The following COBL variants were observed in gnomAD, a reference collection of about 807,000 sequenced individuals.
COBL encodes cordon-bleu WH2 repeat protein.
In COBL, 51 loss-of-function variants were observed where a neutral mutation model predicts 98.8. The ratio of observed to expected loss-of-function variants is 0.52; its 90% CI spans 0.41 to 0.65. The LOEUF (loss-of-function observed/expected upper bound fraction) is 0.65. Ranked by LOEUF, COBL falls within the 30% of genes least tolerant of loss-of-function variation. The pLI is 0.00. For synonymous variants in COBL, 634 were observed against 651.7 expected (o/e 0.97, Z 0.41); for missense variants, 1,617 against 1,617.5 (o/e 1.00, Z 0.01).
intron 1 of COBL, among the ~76,000 whole-genome samples, chr7:51,229,353 G>A (rs1794512476): frequency 6.6e-6 from 1 of 152,218 alleles, no homozygotes; most frequent in African/African-American, 2.4e-5. Context: ...AATTGTCTTG[G>A]TTCACTTGTT....
intron 1 of COBL, among the ~76,000 whole-genome samples, chr7:51,310,606 G>A (rs890355627): frequency 2.0e-5 from 3 of 152,148 alleles, no homozygotes; most frequent in Non-Finnish European, 2.9e-5. Context: ...AGATGGGATC[G>A]ACCAGCCAGG....
intron 5 of COBL, among the ~76,000 whole-genome samples, chr7:51,160,351 TTTG>T (rs1289214781): frequency 6.6e-6 from 1 of 152,236 alleles, no homozygotes; most frequent in African/African-American, 2.4e-5. Flanking sequence ...CATATTGTTA[TTTG>T]TTGTTGATGA....
chr7:51,305,878 C>CA (rs1011636623), intron 1 of COBL, among the ~76,000 whole-genome samples: 1 of 151,772 alleles, frequency 6.6e-6, no homozygotes, highest in Non-Finnish European at 1.5e-5. Context: ...TACTAAAATA[C>CA]AAAAAAAATT....
intron 6 of COBL, among the ~76,000 whole-genome samples, chr7:51,089,376 G>A (rs1398816062): frequency 1.1e-4 from 16 of 151,940 alleles, no homozygotes; most frequent in African/African-American, 3.4e-4. Flanking sequence ...TTAGCCAGGC[G>A]TGGTGGCGGG....
At chr7:51,087,577 T>C (rs1466885809) in intron 6 of COBL, among the ~76,000 whole-genome samples, 1 of 151,822 alleles carries the variant, frequency 6.6e-6, no homozygotes, top group East Asian at 1.9e-4. Flanking sequence ...CGGGTTCCAG[T>C]GATTCTCCTG....
intron 1 of COBL, among the ~76,000 whole-genome samples, chr7:51,308,547 T>C (rs1004557752): frequency 7.2e-5 from 11 of 152,230 alleles, no homozygotes; most frequent in Non-Finnish European, 2.9e-5. Context: ...ATTTGGTATT[T>C]CTCCTCTTCC....
chr7:51,281,860 T>C (rs1196164146), intron 1 of COBL, among the ~76,000 whole-genome samples: 1 of 152,126 alleles, frequency 6.6e-6, no homozygotes, highest in Non-Finnish European at 1.5e-5. Flanking sequence ...ATGTTAAACA[T>C]CTAGGCCAAT....
At chr7:51,196,986 C>A (rs968160662) in intron 2 of COBL, among the ~76,000 whole-genome samples, 2 of 151,426 alleles carry the variant, frequency 1.3e-5, no homozygotes, top group African/African-American at 4.8e-5. Context: ...CTCCAGGATT[C>A]ACTGATCCTT....
intron 6 of COBL, among the ~76,000 whole-genome samples, chr7:51,114,154 C>T (rs184490749): frequency 5.1e-4 from 78 of 152,296 alleles, no homozygotes; most frequent in African/African-American, 1.7e-3. Flanking sequence ...CACAAGTCTA[C>T]GCTTGCCACA....
chr7:51,148,280 T>C (rs1004884387), intron 5 of COBL, among the ~76,000 whole-genome samples: 2 of 152,082 alleles, frequency 1.3e-5, no homozygotes, highest in African/African-American at 4.8e-5. Flanking sequence ...AGGGGACCCA[T>C]TTCCCCTCAT....
rs185086631 is a variant in COBL at position 51,076,360 on chromosome 7, G to A, written c.1096+8806C>T. Among the ~76,000 whole-genome samples, 351 of 152,238 alleles carry A rather than the reference G, an allele frequency of 2.3e-3. 3 individuals carry two copies. Among genetic ancestry groups the A allele is most frequent in the Non-Finnish European group, 1.6e-3 (112 of 68,026 alleles). ...CCCGTCCTACCTTCTCCAGTTCCAC[G>A]CCCTCTGCTCAAGCAGCACATGGCT... is the stretch of plus-strand genomic sequence containing the variant. On this transcript the variant is annotated intron_variant, in intron 7 of 12. Coordinates refer to ENST00000265136, the MANE Select transcript of COBL (RefSeq NM_015198.5).
At chr7:51,203,748 C>T (rs1291120312) in intron 2 of COBL, among the ~76,000 whole-genome samples, 5 of 151,940 alleles carry the variant, frequency 3.3e-5, no homozygotes, top group African/African-American at 9.7e-5. Flanking sequence ...TCATCACAAA[C>T]GGAAAAGTCC....
intron 1 of COBL, among the ~76,000 whole-genome samples, chr7:51,268,855 AGGAGGT>A (rs1798467790): frequency 6.6e-6 from 1 of 151,110 alleles, no homozygotes; most frequent in South Asian, 2.1e-4. Context: ...GCTCGAACTC[AGGAGGT>A]GGAGGTTGTG....
intron 5 of COBL, among the ~76,000 whole-genome samples, chr7:51,168,314 T>C (rs1787521708): frequency 1.3e-5 from 2 of 152,096 alleles, no homozygotes; most frequent in African/African-American, 4.8e-5. Context: ...TACATGCCTG[T>C]AGTCCCAGCT....
In COBL at chr7:51,191,130, C is replaced by T. The variant is rs775228829; in HGVS notation, c.457-52G>A. 7.3e-6 allele frequency: 11 copies of T among 1,499,756 alleles called. No individual in the cohort carries two copies. The African/African-American group carries it at 8.2e-5, about 11-fold the overall frequency. The allele number at this position is 1,499,756 out of a possible 1,614,324, so 92.9% of individuals were successfully genotyped here. A position where few individuals can be genotyped will look rare whatever the true frequency, so the allele number is the denominator to read the frequency against. Reference sequence around the variant, plus strand: ...TTCAGTAAGATATCCTCCCACAAGCCTTCAACTCTTGTGTCAATTTGACAA... The same window carrying T: ...TTCAGTAAGATATCCTCCCACAAGCTTTCAACTCTTGTGTCAATTTGACAA... On this transcript the variant is annotated intron_variant, in intron 3 of 12. Coordinates refer to ENST00000265136, the MANE Select transcript of COBL (RefSeq NM_015198.5).
chr7:51,098,224 C>CTTTTTTTTTTTTTTTTTTTTTTTTT lies in COBL; in HGVS notation c.958-12921_958-12920insAAAAAAAAAAAAAAAAAAAAAAAAA, dbSNP rs551768231. Among the ~76,000 whole-genome samples the CTTTTTTTTTTTTTTTTTTTTTTTTT allele has an allele frequency of 4.3e-3, 432 of 100,740 alleles. 93 individuals carry two copies. Among genetic ancestry groups the CTTTTTTTTTTTTTTTTTTTTTTTTT allele is most frequent in the African/African-American group, 0.017 (369 of 22,260 alleles). The allele number at this position is 100,740 out of a possible 152,430, so 66.1% of individuals were successfully genotyped here. A position where few individuals can be genotyped will look rare whatever the true frequency, so the allele number is the denominator to read the frequency against. Reference sequence around the variant, plus strand: ...ACTACCAAAATCCCAATAGCAGTTTCTTTTTTTTTTTTGGAGAAATAGGAA... The same window carrying CTTTTTTTTTTTTTTTTTTTTTTTTT: ...ACTACCAAAATCCCAATAGCAGTTTCTTTTTTTTTTTTTTTTTTTTTTTTTTTTTTTTTTTTTGGAGAAATAGGAA... On this transcript the variant is annotated intron_variant, in intron 6 of 12. Transcript: ENST00000265136.
intron 1 of COBL, among the ~76,000 whole-genome samples, chr7:51,301,476 G>A (rs929337578): frequency 4.6e-5 from 7 of 152,266 alleles, no homozygotes; most frequent in African/African-American, 1.7e-4. Flanking sequence ...ACTGTGGGTG[G>A]CAAGGCCAAG....
At chr7:51,087,115 C>A (rs11526307) in intron 6 of COBL, among the ~76,000 whole-genome samples, 5 of 66,856 alleles carry the variant, frequency 7.5e-5, no homozygotes, top group Non-Finnish European at 1.2e-4. Context: ...CACACATACA[C>A]ACAAACACAC....
intron 4 of COBL, among the ~76,000 whole-genome samples, chr7:51,187,751 C>T (rs1484058839): frequency 1.3e-5 from 2 of 152,090 alleles, no homozygotes; most frequent in Non-Finnish European, 2.9e-5. Context: ...GAAACCAAAC[C>T]AAAATCTCAT....
Sources: allele counts gnomAD v4.1 joint callset (sites outside exome capture counted in the v4.1 genomes callset), GRCh38; gene constraint gnomAD v4.1.1; transcripts MANE v1.5; gene names NCBI Gene and HGNC (gene_info 2026-07-23, HGNC 2026-07-21).